The following UVRAG variants were observed in gnomAD, a reference collection of about 807,000 sequenced individuals.
UVRAG encodes the protein UV radiation resistance associated.
Under a neutral mutation model 78.0 loss-of-function variants are expected in UVRAG, and 19 were observed. The observed-to-expected ratio is 0.24, with a 90% CI of 0.17 to 0.36. UVRAG has a LOEUF of 0.36. Ranked by LOEUF, UVRAG falls within the 10% of genes least tolerant of loss-of-function variation. The pLI is 1.00. For missense variants in UVRAG, 740 were observed against 853.8 expected, an observed-to-expected ratio of 0.87 and a Z score of 1.66; for synonymous variants, 323 against 324.6, an observed-to-expected ratio of 1.00 and a Z score of 0.05.
At chr11:75,890,944 A>G (rs773729942) in intron 5 of UVRAG, among the ~76,000 whole-genome samples, 6 of 150,578 alleles carry the variant, frequency 4.0e-5, no homozygotes, top group African/African-American at 1.2e-4. Flanking sequence ...TGTTGTTGTT[A>G]TTGTTGTTTG....
intron 3 of UVRAG, among the ~76,000 whole-genome samples, chr11:75,878,905 G>C (rs567743321): frequency 7.5e-5 from 10 of 133,540 alleles, no homozygotes; most frequent in Non-Finnish European, 1.0e-4. Context: ...GGGACAGGGA[G>C]GGGGAGGGGG....
intron 12 of UVRAG, among the ~76,000 whole-genome samples, chr11:76,065,148 G>C (rs1371981223): frequency 2.6e-5 from 4 of 152,206 alleles, no homozygotes; most frequent in Admixed American, 2.0e-4. Context: ...GAGCCTTATG[G>C]CATGAGCACA....
chr11:75,872,131 A>C (rs1413619615), intron 3 of UVRAG, among the ~76,000 whole-genome samples: 3 of 152,160 alleles, frequency 2.0e-5, no homozygotes, highest in Non-Finnish European at 2.9e-5. Context: ...GGTCTGTTGA[A>C]TTCCAGTTTA....
intron 8 of UVRAG, among the ~76,000 whole-genome samples, chr11:75,995,369 A>G (rs1028620234): frequency 1.3e-5 from 2 of 152,116 alleles, no homozygotes; most frequent in Admixed American, 1.3e-4. Flanking sequence ...GAGGTCAGAT[A>G]TGTCAGATTT....
chr11:76,096,385 G>C (rs1951785810), intron 13 of UVRAG, among the ~76,000 whole-genome samples: 1 of 152,170 alleles, frequency 6.6e-6, no homozygotes, highest in African/African-American at 2.4e-5. Context: ...GGAGATAGCT[G>C]TCTTTATATT....
Position 75,889,121 on chromosome 11 carries a change from T to G in UVRAG, c.507+218T>G, listed in dbSNP as rs756076624. Among the ~76,000 whole-genome samples, 25 of 152,318 alleles carry G rather than the reference T, an allele frequency of 1.6e-4. 1 individual carries two copies. In the South Asian group the frequency reaches 2.1e-3, roughly 13 times the overall value. On this transcript the variant is annotated intron_variant, in intron 5 of 14. Transcript: ENST00000356136. ...TTTTCTAAATCCAGATTATATTAAT[T>G]TTTCTACAGGAAATCTGGAGCTAGC...
chr11:75,899,533 A>T lies in UVRAG; in HGVS notation c.507+10630A>T, dbSNP rs529648524. ...GCATTAAACTACTGCCCCAAGCAAG[A>T]TGGCATAGGTGGTGAATAGCAGATC... is the stretch of plus-strand genomic sequence containing the variant. On this transcript the variant is annotated intron_variant, in intron 5 of 14. Transcript: ENST00000356136. Among the ~76,000 whole-genome samples the T allele has an allele frequency of 7.2e-5, 11 of 152,294 alleles. No individual in the cohort carries two copies. In the South Asian group the frequency reaches 2.1e-3, roughly 29 times the overall value.
chr11:75,902,435 G>C (rs1273789942), intron 5 of UVRAG, among the ~76,000 whole-genome samples: 1 of 152,184 alleles, frequency 6.6e-6, no homozygotes, highest in East Asian at 1.9e-4. Flanking sequence ...ACAGGAGGGG[G>C]AGCTCAGGTG....
intron 6 of UVRAG, among the ~76,000 whole-genome samples, chr11:75,927,922 T>C (rs1565383602): frequency 1.3e-5 from 2 of 152,098 alleles, no homozygotes; most frequent in Non-Finnish European, 2.9e-5. Context: ...TGATGTGATC[T>C]GATTTCTAGT....
intron 6 of UVRAG, among the ~76,000 whole-genome samples, chr11:75,938,013 T>A (rs184275926): frequency 1.1e-4 from 16 of 152,242 alleles, no homozygotes; most frequent in African/African-American, 3.9e-4. Flanking sequence ...GGTTTACTGT[T>A]TTTCTTGTAA....
intron 10 of UVRAG, among the ~76,000 whole-genome samples, chr11:76,008,255 CT>C (rs1470303581): frequency 6.6e-6 from 1 of 152,068 alleles, no homozygotes; most frequent in Non-Finnish European, 1.5e-5. Context: ...ATGTGCACTG[CT>C]TTAAAAATAT....
chr11:75,965,061 T>C (rs1279455756), intron 7 of UVRAG, among the ~76,000 whole-genome samples: 1 of 152,182 alleles, frequency 6.6e-6, no homozygotes, highest in East Asian at 1.9e-4. Context: ...AAAACTTCTG[T>C]GGTTTTTCTG....
intron 8 of UVRAG, 122 bp downstream of exon 8, chr11:75,983,635 G>A: frequency 7.8e-7 from 1 of 1,290,300 alleles, no homozygotes; most frequent in Non-Finnish European, 1.0e-6. Context: ...TTAATGACAG[G>A]GATATATTCT....
intron 1 of UVRAG, among the ~76,000 whole-genome samples, chr11:75,845,254 G>A (rs1002146550): frequency 1.3e-5 from 2 of 152,210 alleles, no homozygotes; most frequent in African/African-American, 4.8e-5. Context: ...CCCCTATTCA[G>A]CTCTGGGGAT....
chr11:76,007,675 A>G (rs1211139632), intron 10 of UVRAG, 54 bp downstream of exon 10: 16 of 1,389,088 alleles, frequency 1.2e-5, no homozygotes, highest in East Asian at 1.1e-4. Flanking sequence ...TGATTTCTGT[A>G]TGACATTTCC....
intron 5 of UVRAG, among the ~76,000 whole-genome samples, chr11:75,894,203 G>T (rs1022631639): frequency 1.3e-5 from 2 of 152,156 alleles, no homozygotes; most frequent in African/African-American, 4.8e-5. Flanking sequence ...AGTCTGGACC[G>T]CTGCTTGTCT....
intron 3 of UVRAG, among the ~76,000 whole-genome samples, chr11:75,871,060 G>A (rs1324863519): frequency 6.6e-6 from 1 of 151,874 alleles, no homozygotes; most frequent in Non-Finnish European, 1.5e-5. Flanking sequence ...GTAGAGATGG[G>A]GTTTCATCAT....
chr11:75,939,732 A>G (rs919216793), intron 6 of UVRAG, among the ~76,000 whole-genome samples: 1 of 152,168 alleles, frequency 6.6e-6, no homozygotes, highest in Admixed American at 6.5e-5. Flanking sequence ...TGGAGGTCCA[A>G]CGGGATGAAA....
intron 12 of UVRAG, among the ~76,000 whole-genome samples, chr11:76,054,821 G>C (rs1043005136): frequency 2.0e-5 from 3 of 152,152 alleles, no homozygotes; most frequent in Non-Finnish European, 4.4e-5. Flanking sequence ...CACTGTGTTA[G>C]CACCTAGAAG....
Sources: allele counts gnomAD v4.1 joint callset (sites outside exome capture counted in the v4.1 genomes callset), GRCh38; gene constraint gnomAD v4.1.1; transcripts MANE v1.5; gene names NCBI Gene and HGNC (gene_info 2026-07-23, HGNC 2026-07-21).